AKAP9: variants seen among roughly 807,000 people sequenced by gnomAD.
AKAP9 encodes A-kinase anchor protein 9.
A neutral mutation model predicts 488.5 loss-of-function variants in AKAP9; 311 were observed. The ratio of observed to expected loss-of-function variants is 0.64; its 90% confidence interval spans 0.58 to 0.70. The LOEUF (loss-of-function observed/expected upper bound fraction) is 0.70, where lower values mean the gene tolerates loss of function less well. Among genes scored for constraint, AKAP9 ranks in the 30% least tolerant of loss-of-function variants. The pLI is 0.00. For missense variants in AKAP9, 4,215 were observed against 4,374.5 expected (o/e 0.96, Z 1.03); for synonymous variants, 1,462 against 1,483.5 (o/e 0.99, Z 0.33).
Position 92,079,855 on chromosome 7 carries a change from TCAAA to T in AKAP9, c.7726_7729del (p.Thr2576PhefsTer13). ...AATATGCAAAATTCTGTCAAGATAA[TCAAA>T]CAATTTCATCAGAACCTGAAAGAAC... On this transcript the variant is annotated frameshift_variant, in exon 31 of 50. Transcript: ENST00000356239. LOFTEE classifies it high-confidence loss of function. 1.2e-6 allele frequency: 2 copies of T among 1,614,092 alleles called. No individual in the cohort carries two copies. Among genetic ancestry groups the T allele is most frequent in the Non-Finnish European group, 8.5e-7 (1 of 1,179,986 alleles).
intron 1 of AKAP9, among the ~76,000 whole-genome samples, chr7:91,962,956 C>A (rs1793903957): frequency 6.6e-6 from 1 of 152,072 alleles, no homozygotes; most frequent in African/African-American, 2.4e-5. Flanking sequence ...AAATTTTCAC[C>A]TTTGCCCTGA....
At chr7:91,949,121 A>C (rs952419373) in intron 1 of AKAP9, among the ~76,000 whole-genome samples, 2 of 151,760 alleles carry the variant, frequency 1.3e-5, no homozygotes, top group African/African-American at 2.4e-5. Flanking sequence ...GTTGTTACCA[A>C]CTTCTTTTAT....
At chr7:92,004,709 G>A (rs1293794189) in intron 8 of AKAP9, among the ~76,000 whole-genome samples, 1 of 152,190 alleles carries the variant, frequency 6.6e-6, no homozygotes, top group African/African-American at 2.4e-5. Flanking sequence ...AGCTTAAGGA[G>A]ATTTTGGGCT....
Position 92,016,229 on chromosome 7 carries a change from A to G in AKAP9, c.3713A>G (p.Glu1238Gly). ...ENSGDYISEN[E>G]DPELQDYRYE... ...TCTGGTGATTACATTTCTGAAAATG[A>G]AGATCCAGAATTACAAGATTATAGA... Residue 1238 changes from glutamate to glycine, a missense_variant, in exon 11 of 50, where the codon GAA becomes GGA. Physicochemically the swap from Glu to Gly is moderately conservative, Grantham distance 98. Around this residue, in one of 5 missense-constraint regions of AKAP9, gnomAD observed 2,361 missense variants for 2,430.0 expected, o/e 0.97. Coordinates refer to ENST00000356239, the MANE Select transcript of AKAP9 (RefSeq NM_005751.5). The G allele has an allele frequency of 6.4e-7, 1 of 1,569,466 alleles. No individual in the cohort carries two copies. Among genetic ancestry groups the G allele is most frequent in the Non-Finnish European group, 8.8e-7 (1 of 1,141,674 alleles).
chr7:92,050,331 G>A (rs1420429040), intron 21 of AKAP9, among the ~76,000 whole-genome samples: 3 of 151,718 alleles, frequency 2.0e-5, no homozygotes, highest in Admixed American at 6.6e-5. Context: ...TCCTGACCTC[G>A]TGATCCACCT....
chr7:91,960,377 A>G (rs1166572480), intron 1 of AKAP9, among the ~76,000 whole-genome samples: 1 of 152,214 alleles, frequency 6.6e-6, no homozygotes, highest in Non-Finnish European at 1.5e-5. Flanking sequence ...AGATGAATGA[A>G]AAGCAGGATG....
intron 30 of AKAP9, among the ~76,000 whole-genome samples, chr7:92,078,338 G>A (rs536590209): frequency 1.3e-5 from 2 of 152,080 alleles, no homozygotes; most frequent in African/African-American, 2.4e-5. Context: ...AGACACATTG[G>A]TGGCCAGGCA....
chr7:92,107,372 C>T lies in AKAP9; in HGVS notation c.11496C>T (p.Arg3832=). Residue 3832 remains arginine, a synonymous_variant, in exon 48 of 50, where the codon CGC becomes CGT. Coordinates refer to ENST00000356239, the MANE Select transcript of AKAP9 (RefSeq NM_005751.5). ...GAGAACCAAGACATACTACGTATCG[C>T]TCAAGATCAGATCTGGACTATATTA... ...LYGEPRHTTY[R]SRSDLDYIRS... 6.2e-7 allele frequency: 1 copy of T among 1,613,718 alleles called. No homozygotes were observed. The highest frequency in any genetic ancestry group is 8.5e-7 in the Non-Finnish European group (1 of 1,179,784).
chr7:92,030,778 A>G (rs1369724474), intron 15 of AKAP9, among the ~76,000 whole-genome samples: 1 of 150,644 alleles, frequency 6.6e-6, no homozygotes. Flanking sequence ...ATGCCATCTA[A>G]CTAAACCACC....
At chr7:91,959,846 A>G (rs948604633) in intron 1 of AKAP9, among the ~76,000 whole-genome samples, 2 of 152,020 alleles carry the variant, frequency 1.3e-5, no homozygotes, top group African/African-American at 2.4e-5. Flanking sequence ...TGGCACTGTT[A>G]TTTTCCAACA....
Position 91,994,744 on chromosome 7 carries a change from CAG to C in AKAP9, c.703_704del (p.Gln236LysfsTer12). 2 of 1,611,754 alleles carry C rather than the reference CAG, an allele frequency of 1.2e-6. No individual in the cohort carries two copies. Among genetic ancestry groups the C allele is most frequent in the Non-Finnish European group, 1.7e-6 (2 of 1,179,184 alleles). On this transcript the variant is annotated frameshift_variant, in exon 6 of 50. Transcript: ENST00000356239. LOFTEE classifies it high-confidence loss of function. ...GAGAGAATTTTTAGAGTTGACAGAACAGAGTCAAAAATTACAGATTCAATTTC... is the reference window on the plus strand; with the variant it reads ...GAGAGAATTTTTAGAGTTGACAGAACAGTCAAAAATTACAGATTCAATTTC... Reference protein sequence around the residue: ...TMREFLELTEQSQKLQIQFQQ... With the variant: ...TMREFLELTEXSQKLQIQFQQ...
chr7:92,098,105 G>A lies in AKAP9; in HGVS notation c.10608-4G>A. On this transcript the variant is annotated splice_region_variant and splice_polypyrimidine_tract_variant and intron_variant, in intron 42 of 49. Transcript: ENST00000356239. ...TGTTTTGACTTTTTGTCTTTTTCTT[G>A]AAGACTACAGTTTGAAACAGCAGAT... The A allele has an allele frequency of 6.3e-7, 1 of 1,593,968 alleles. No homozygotes were observed. Among genetic ancestry groups the A allele is most frequent in the Non-Finnish European group, 8.6e-7 (1 of 1,162,116 alleles).
intron 1 of AKAP9, among the ~76,000 whole-genome samples, chr7:91,942,319 A>T (rs1030879149): frequency 3.9e-5 from 6 of 152,204 alleles, no homozygotes; most frequent in South Asian, 2.1e-4. Context: ...TATATATATA[A>T]AAACTAGCTT....
rs749331728 is a variant in AKAP9 at position 91,995,773 on chromosome 7, G to A, written c.903G>A (p.Leu301=). 1.9e-6 allele frequency: 3 copies of A among 1,609,334 alleles called. No individual in the cohort carries two copies. The African/African-American group carries it at 4.0e-5, about 22-fold the overall frequency. The change falls in exon 7 of 50, where the codon TTG becomes TTA. Residue 301 remains leucine, a synonymous_variant. Coordinates refer to ENST00000356239, the MANE Select transcript of AKAP9 (RefSeq NM_005751.5). ...ACTTCACAATGCAAATTAGTTTCTT[G>A]CAAGAGAAAATTAAAGTATATGAAA... ...KEDFTMQISF[L]QEKIKVYEME... is the part of the protein sequence containing the mutation.
At chr7:92,075,069 A>C (rs1019531203) in intron 28 of AKAP9, among the ~76,000 whole-genome samples, 1 of 147,262 alleles carries the variant, frequency 6.8e-6, no homozygotes, top group Non-Finnish European at 1.5e-5. Context: ...TTACTGTAAA[A>C]CAATAAAATG....
intron 1 of AKAP9, among the ~76,000 whole-genome samples, chr7:91,942,111 A>G (rs1291445409): frequency 6.6e-6 from 1 of 152,118 alleles, no homozygotes; most frequent in Admixed American, 6.5e-5. Context: ...GTCTTCTTTT[A>G]TGGATTATAT....
chr7:92,023,062 T>G, intron 14 of AKAP9, 53 bp downstream of exon 14: 1 of 1,550,800 alleles, frequency 6.4e-7, no homozygotes. Context: ...TTGTAACAAT[T>G]ATAGTATCAT....
At chr7:92,018,989 T>C (rs1415029874) in intron 12 of AKAP9, among the ~76,000 whole-genome samples, 3 of 152,184 alleles carry the variant, frequency 2.0e-5, no homozygotes, top group Non-Finnish European at 2.9e-5. Context: ...AACCAGAAAC[T>C]TGGGGATTGT....
Position 92,029,881 on chromosome 7 carries a change from T to G in AKAP9, c.4149-14T>G. On this transcript the variant is annotated splice_polypyrimidine_tract_variant and intron_variant, in intron 14 of 49. Coordinates refer to ENST00000356239, the MANE Select transcript of AKAP9 (RefSeq NM_005751.5). ...TACAACTCTAATTCTTTAACCTTTT[T>G]TATTTATATTCAGCTTACCTGTTGA... The G allele has an allele frequency of 6.3e-7, 1 of 1,593,106 alleles. No homozygotes were observed. Among genetic ancestry groups the G allele is most frequent in the African/African-American group, 1.3e-5 (1 of 74,462 alleles).
Sources: gnomAD v4.1 joint callset for allele counts (sites outside exome capture counted in the v4.1 genomes callset) on GRCh38, gnomAD v4.1.1 for gene constraint, gnomAD v4.1.1 regional missense constraint, MANE v1.5 for transcripts, NCBI Gene and HGNC (gene_info 2026-07-23, HGNC 2026-07-21) for gene names.